Variants in SYNE1 observed in about 807,000 individuals in gnomAD.
SYNE1 encodes the protein spectrin repeat containing nuclear envelope protein 1.
In SYNE1, 616 loss-of-function variants were observed where a neutral mutation model predicts 1,111.0. The observed-to-expected ratio is 0.55, with a 90% CI of 0.52 to 0.59. The LOEUF is 0.59. Ranked by LOEUF, SYNE1 falls within the 20% of genes least tolerant of loss-of-function variation. SYNE1 has a pLI of 0.00. For missense variants in SYNE1, 10,006 were observed against 10,417.0 expected, an observed-to-expected ratio of 0.96 and a Z score of 1.72; for synonymous variants, 3,855 against 3,825.8, an observed-to-expected ratio of 1.01 and a Z score of -0.28.
chr6:152,211,548 T>G lies in SYNE1; in HGVS notation c.22535A>C (p.His7512Pro). ...ACGTTGCCCATCAATAATGATTGAG[T>G]GCAAAATCTGCTGACGACTGAACAT... ...AEMFSRQQIL[H>P]SIIIDGQRLL... is the part of the protein sequence containing the mutation. Residue 7512 changes from histidine to proline, a missense_variant, in exon 124 of 146, where the codon CAC becomes CCC. Coordinates refer to ENST00000367255, the MANE Select transcript of SYNE1 (RefSeq NM_182961.4). 1 of 1,613,986 alleles carries G rather than the reference T, an allele frequency of 6.2e-7. No homozygotes were observed. The highest frequency in any genetic ancestry group is 8.5e-7 in the Non-Finnish European group (1 of 1,179,914).
At position 152,149,637 on chromosome 6, in the gene SYNE1, T is replaced by A; in HGVS notation, c.24482A>T (p.Asn8161Ile). The A allele has an allele frequency of 1.9e-6, 3 of 1,614,094 alleles. No individual in the cohort carries two copies. In the South Asian group the frequency reaches 3.3e-5, roughly 18 times the overall value. The change falls in exon 136 of 146, where the codon AAT becomes ATT. Residue 8161 changes from asparagine to isoleucine, a missense_variant. By Grantham distance (149) the Asn-to-Ile change is moderately radical (BLOSUM62 -3). This residue lies in a region of SYNE1 where 761 missense variants were observed against 795.5 expected (regional missense o/e 0.96). Transcript: ENST00000367255. The part of the protein sequence containing the change: ...AFQQEISLNH[N>I]KIEQIIAQGE... ...TTGGGCAATTATCTGCTCAATCTTATTGTGGTTCAGTGAAATTTCCTGCTG... is the reference window on the plus strand; with the variant it reads ...TTGGGCAATTATCTGCTCAATCTTAATGTGGTTCAGTGAAATTTCCTGCTG...
At chr6:152,266,726 C>T (rs2153667951) in intron 100 of SYNE1, among the ~76,000 whole-genome samples, 1 of 152,176 alleles carries the variant, frequency 6.6e-6, no homozygotes, top group South Asian at 2.1e-4. Flanking sequence ...GAATGCCTTC[C>T]TATTTCCTAC....
intron 98 of SYNE1, among the ~76,000 whole-genome samples, chr6:152,275,086 T>C (rs1304052355): frequency 6.6e-6 from 1 of 152,132 alleles, no homozygotes; most frequent in Non-Finnish European, 1.5e-5. Flanking sequence ...TTTTTATTAT[T>C]TGTAGAGATG....
intron 143 of SYNE1, among the ~76,000 whole-genome samples, chr6:152,132,770 C>T (rs2056123924): frequency 6.6e-6 from 1 of 151,946 alleles, no homozygotes; most frequent in Admixed American, 6.6e-5. Context: ...GGCATCACCA[C>T]ATCTCACCTG....
chr6:152,528,746 C>T (rs759718594), intron 4 of SYNE1, among the ~76,000 whole-genome samples: 5 of 152,114 alleles, frequency 3.3e-5, no homozygotes, highest in Admixed American at 6.6e-5. Flanking sequence ...TCTATTATTA[C>T]GTTTTTAGTC....
chr6:152,170,325 G>GAGACTGGCA, intron 130 of SYNE1, among the ~76,000 whole-genome samples: 1 of 152,196 alleles, frequency 6.6e-6, no homozygotes, highest in East Asian at 1.9e-4. Context: ...CTAAAAGAAT[G>GAGACTGGCA]AGACTGGCAT....
At chr6:152,256,236 T>C (rs769427443) in intron 102 of SYNE1, among the ~76,000 whole-genome samples, 2 of 151,326 alleles carry the variant, frequency 1.3e-5, no homozygotes, top group Non-Finnish European at 2.9e-5. Context: ...CTGGCTAACA[T>C]GGTGAAACCC....
At chr6:152,530,008 C>T (rs1270991881) in intron 4 of SYNE1, among the ~76,000 whole-genome samples, 2 of 152,146 alleles carry the variant, frequency 1.3e-5, no homozygotes, top group African/African-American at 2.4e-5. Flanking sequence ...CCAGGACAAA[C>T]AAAAACTGAT....
rs774934026 is a variant in SYNE1, at chr6:152,220,955, G to C, written c.21748C>G (p.Gln7250Glu). The change falls in exon 119 of 146, where the codon CAG becomes GAG. Residue 7250 changes from glutamine to glutamate, a missense_variant. This residue lies in a region of SYNE1 where 2,182 missense variants were observed against 2,287.8 expected (regional missense o/e 0.95). Coordinates refer to ENST00000367255, the MANE Select transcript of SYNE1 (RefSeq NM_182961.4). ...TGCTGCTGAACTGTCGAAGCACACT[G>C]TTTGGAGTAGTCCTTGTATCTTTGC... ...LWQRYKDYSKQCASTVQQQED... is the reference protein window; with the variant it reads ...LWQRYKDYSKECASTVQQQED... 19 of 1,614,164 alleles carry C rather than the reference G, an allele frequency of 1.2e-5. No individual in the cohort carries two copies. Among genetic ancestry groups the C allele is most frequent in the Non-Finnish European group, 1.4e-5 (16 of 1,179,998 alleles).
intron 3 of SYNE1, among the ~76,000 whole-genome samples, chr6:152,556,480 C>A (rs1031342482): frequency 1.3e-5 from 2 of 152,158 alleles, no homozygotes; most frequent in Non-Finnish European, 2.9e-5. Context: ...CCTCACAGAC[C>A]CAAGTGCCAG....
chr6:152,310,180 G>A lies in SYNE1; in HGVS notation c.17020-163C>T, dbSNP rs368503701. ...TTAGGGGCTGGACACAGTGGTTCACGTCTGTAACCCCAGCACTTTGAGAGG... is the reference window on the plus strand; with the variant it reads ...TTAGGGGCTGGACACAGTGGTTCACATCTGTAACCCCAGCACTTTGAGAGG... On this transcript the variant is annotated intron_variant, in intron 89 of 145. Coordinates refer to ENST00000367255, the MANE Select transcript of SYNE1 (RefSeq NM_182961.4). Among the ~76,000 whole-genome samples, 11 of 151,768 alleles carry A rather than the reference G, an allele frequency of 7.2e-5. No homozygotes were observed. In the East Asian group the frequency reaches 7.7e-4, roughly 11 times the overall value.
intron 9 of SYNE1, among the ~76,000 whole-genome samples, chr6:152,503,983 T>C (rs956098967): frequency 1.3e-5 from 2 of 152,166 alleles, no homozygotes; most frequent in African/African-American, 4.8e-5. Flanking sequence ...GAAGTTCTCA[T>C]TAAGAAATTA....
At chr6:152,272,066 T>C (rs1014300045) in intron 98 of SYNE1, among the ~76,000 whole-genome samples, 4 of 152,232 alleles carry the variant, frequency 2.6e-5, no homozygotes, top group African/African-American at 9.6e-5. Context: ...CTTAACAACT[T>C]CCTCACTTTT....
chr6:152,486,160 C>G (rs561360577), intron 12 of SYNE1, among the ~76,000 whole-genome samples: 2 of 151,672 alleles, frequency 1.3e-5, no homozygotes, highest in African/African-American at 4.8e-5. Flanking sequence ...ACGATCATGC[C>G]ACTACACTCC....
chr6:152,189,178 A>T, intron 128 of SYNE1, 74 bp downstream of exon 128: 1 of 1,539,554 alleles, frequency 6.5e-7, no homozygotes, highest in Non-Finnish European at 8.9e-7. Context: ...CATGTGGGTT[A>T]ACCCATCTGA....
chr6:152,474,855 G>A (rs1455239919), intron 14 of SYNE1, among the ~76,000 whole-genome samples: 1 of 151,846 alleles, frequency 6.6e-6, no homozygotes, highest in Non-Finnish European at 1.5e-5. Context: ...TAAAACCATG[G>A]AATAAGAAAA....
chr6:152,405,132 G>A (rs2097877688), intron 45 of SYNE1, among the ~76,000 whole-genome samples: 1 of 152,182 alleles, frequency 6.6e-6, no homozygotes, highest in African/African-American at 2.4e-5. Context: ...TCACTATACT[G>A]CAGCGGGAAT....
intron 3 of SYNE1, among the ~76,000 whole-genome samples, chr6:152,601,240 A>G (rs913401571): frequency 1.3e-5 from 2 of 152,236 alleles, no homozygotes; most frequent in Admixed American, 6.5e-5. Context: ...GAAGCAAAGC[A>G]TTTGATAATT....
At chr6:152,505,014 T>C (rs963749600) in intron 9 of SYNE1, among the ~76,000 whole-genome samples, 187 bp downstream of exon 9, 2 of 152,208 alleles carry the variant, frequency 1.3e-5, no homozygotes, top group Middle Eastern at 3.2e-3. Context: ...GGGATCATAT[T>C]TTACCCCAAC....
Sources: gnomAD v4.1 joint callset for allele counts (sites outside exome capture counted in the v4.1 genomes callset) on GRCh38, gnomAD v4.1.1 for gene constraint, gnomAD v4.1.1 regional missense constraint, MANE v1.5 for transcripts, NCBI Gene and HGNC (gene_info 2026-07-23, HGNC 2026-07-21) for gene names.